Variants in SPOCK1 observed in about 807,000 individuals in gnomAD.
SPOCK1 encodes the protein SPARC (osteonectin), cwcv and kazal like domains proteoglycan 1.
A neutral mutation model predicts 55.3 loss-of-function variants in SPOCK1; 23 were observed. The observed-to-expected ratio is 0.42, with a 90% CI of 0.30 to 0.59. SPOCK1 has a LOEUF of 0.59. SPOCK1 is among the 20% of genes least tolerant of loss of function. The pLI is 0.22. For synonymous variants in SPOCK1, 226 were observed against 221.0 expected (o/e 1.02, Z -0.20); for missense variants, 499 against 552.5 (o/e 0.90, Z 0.97).
chr5:136,985,181 A>G lies in SPOCK1; in HGVS notation c.950T>C (p.Met317Thr). The change falls in exon 9 of 11, where the codon ATG (methionine) becomes ACG (threonine). Residue 317 changes from methionine (M) to threonine (T), a missense_variant. Transcript: ENST00000394945. Reference protein sequence around the residue: ...KPGGLPCQNEMNRIQKLSKGK... With the variant: ...KPGGLPCQNETNRIQKLSKGK... ...CTTACTCAGCTTCTGAATTCTGTTC[A>G]TTTCATTCTGGCAAGGGAGACCTAA... 1 of 1,614,132 alleles carries G rather than the reference A, an allele frequency of 6.2e-7. No homozygotes were observed. The highest frequency in any genetic ancestry group is 8.5e-7 in the Non-Finnish European group (1 of 1,179,964).
intron 6 of SPOCK1, among the ~76,000 whole-genome samples, chr5:137,002,675 AG>A (rs1157518650): frequency 6.6e-6 from 1 of 152,168 alleles, no homozygotes; most frequent in Non-Finnish European, 1.5e-5. Context: ...CAACTAATAA[AG>A]ACTAAGCTGC....
intron 9 of SPOCK1, among the ~76,000 whole-genome samples, chr5:136,979,939 G>A (rs762173973): frequency 1.5e-4 from 23 of 152,106 alleles, no homozygotes; most frequent in East Asian, 3.9e-4. Context: ...AAGTGACTCC[G>A]TGAAATTGTT....
At chr5:137,384,480 T>C (rs1215402633) in intron 2 of SPOCK1, among the ~76,000 whole-genome samples, 1 of 151,816 alleles carries the variant, frequency 6.6e-6, no homozygotes, top group Non-Finnish European at 1.5e-5. Flanking sequence ...GCAGCTGCCA[T>C]CACAAATTCA....
chr5:137,173,095 C>T (rs906757637), intron 3 of SPOCK1, among the ~76,000 whole-genome samples: 2 of 152,130 alleles, frequency 1.3e-5, no homozygotes, highest in African/African-American at 4.8e-5. Flanking sequence ...TTCCATGATG[C>T]TTGCCTCTCA....
At chr5:137,170,608 T>G (rs1754738404) in intron 3 of SPOCK1, among the ~76,000 whole-genome samples, 1 of 151,420 alleles carries the variant, frequency 6.6e-6, no homozygotes, top group African/African-American at 2.4e-5. Flanking sequence ...TCTCTCTCTC[T>G]CTCTCTCTCT....
intron 2 of SPOCK1, among the ~76,000 whole-genome samples, chr5:137,497,060 G>A (rs765024984): frequency 6.6e-6 from 1 of 152,136 alleles, no homozygotes; most frequent in Non-Finnish European, 1.5e-5. Flanking sequence ...GGGATCTGGA[G>A]AGGGTGCTCT....
At chr5:137,285,029 T>C (rs1194611539) in intron 2 of SPOCK1, among the ~76,000 whole-genome samples, 3 of 152,224 alleles carry the variant, frequency 2.0e-5, no homozygotes, top group Non-Finnish European at 2.9e-5. Context: ...AACTCGCTAA[T>C]GTGCATCAGC....
At chr5:137,156,493 A>G (rs1754420061) in intron 3 of SPOCK1, among the ~76,000 whole-genome samples, 1 of 152,172 alleles carries the variant, frequency 6.6e-6, no homozygotes, top group Non-Finnish European at 1.5e-5. Flanking sequence ...AAGTAGTTTG[A>G]CAACCAATAA....
At chr5:137,479,480 G>A (rs755779834) in intron 2 of SPOCK1, among the ~76,000 whole-genome samples, 6 of 152,228 alleles carry the variant, frequency 3.9e-5, no homozygotes, top group Admixed American at 2.0e-4. Flanking sequence ...GGCCAAGCAT[G>A]TGACTTCTCC....
At chr5:137,395,085 T>C (rs1751813987) in intron 2 of SPOCK1, among the ~76,000 whole-genome samples, 1 of 152,222 alleles carries the variant, frequency 6.6e-6, no homozygotes, top group African/African-American at 2.4e-5. Context: ...GGGTCTTCTC[T>C]TCCTTGTAGG....
chr5:137,410,368 A>G lies in SPOCK1; in HGVS notation c.186+88005T>C, dbSNP rs114737791. 5.4e-3 allele frequency among the ~76,000 whole-genome samples: 819 copies of G among 152,334 alleles called. 4 individuals carry two copies. Among genetic ancestry groups the G allele is most frequent in the Non-Finnish European group, 9.4e-3 (637 of 68,034 alleles). On this transcript the variant is annotated intron_variant, in intron 2 of 10. Transcript: ENST00000394945. ...ATTTTAAGAACTGATCAAGATGTTA[A>G]GGGGAACCAGCCCTTGGAAACTGAT...
At chr5:137,331,028 G>A (rs1183800768) in intron 2 of SPOCK1, among the ~76,000 whole-genome samples, 1 of 152,166 alleles carries the variant, frequency 6.6e-6, no homozygotes, top group African/African-American at 2.4e-5. Flanking sequence ...AAATGGTGGT[G>A]GAGCTAGGAT....
intron 2 of SPOCK1, among the ~76,000 whole-genome samples, chr5:137,316,814 A>C (rs573326995): frequency 6.6e-6 from 1 of 152,240 alleles, no homozygotes; most frequent in Admixed American, 6.5e-5. Flanking sequence ...ACAACATGTA[A>C]TTTTTCTTAT....
chr5:137,212,804 G>C (rs1324328796), intron 3 of SPOCK1, among the ~76,000 whole-genome samples: 2 of 152,230 alleles, frequency 1.3e-5, no homozygotes, highest in Non-Finnish European at 2.9e-5. Context: ...AATGTCAGAG[G>C]CTCACTTCTT....
intron 2 of SPOCK1, among the ~76,000 whole-genome samples, chr5:137,379,904 G>A (rs779235178): frequency 1.2e-4 from 18 of 152,302 alleles, no homozygotes; most frequent in South Asian, 2.1e-4. Flanking sequence ...ATGAGCCCCC[G>A]TGGTGATAGC....
intron 3 of SPOCK1, among the ~76,000 whole-genome samples, chr5:137,149,337 A>T (rs1754268290): frequency 6.6e-6 from 1 of 152,200 alleles, no homozygotes; most frequent in African/African-American, 2.4e-5. Flanking sequence ...AGAAGTCTTC[A>T]CCTTCTCATC....
rs927175588 is a variant in SPOCK1 at position 137,489,752 on chromosome 5, A to G, written c.186+8621T>C. On this transcript the variant is annotated intron_variant, in intron 2 of 10. Transcript: ENST00000394945. Reference sequence around the variant, plus strand: ...GAGAGAGCTTGCTACTTAAGGGAACACTAGGGCAAACACATCTGATGGAAA... The same window carrying G: ...GAGAGAGCTTGCTACTTAAGGGAACGCTAGGGCAAACACATCTGATGGAAA... Among the ~76,000 whole-genome samples, 5 of 152,228 alleles carry G rather than the reference A, an allele frequency of 3.3e-5. 1 individual carries two copies. The highest frequency in any genetic ancestry group is 7.3e-5 in the Non-Finnish European group (5 of 68,044).
chr5:137,085,524 T>C (rs1752947155), intron 5 of SPOCK1, among the ~76,000 whole-genome samples: 1 of 152,018 alleles, frequency 6.6e-6, no homozygotes, highest in Non-Finnish European at 1.5e-5. Flanking sequence ...AAGAGACCAG[T>C]GTCCTGGAAA....
At chr5:137,003,450 C>T (rs1469246343) in intron 6 of SPOCK1, among the ~76,000 whole-genome samples, 1 of 152,130 alleles carries the variant, frequency 6.6e-6, no homozygotes, top group African/African-American at 2.4e-5. Context: ...TTCTGCATAT[C>T]TGTTTAATCT....
Sources: allele counts gnomAD v4.1 joint callset (sites outside exome capture counted in the v4.1 genomes callset), GRCh38; gene constraint gnomAD v4.1.1; transcripts MANE v1.5; gene names NCBI Gene and HGNC (gene_info 2026-07-23, HGNC 2026-07-21).